GATAD1: variants seen among roughly 807,000 people sequenced by gnomAD.
The protein encoded by GATAD1 is GATA zinc finger domain containing 1.
A neutral mutation model predicts 26.5 loss-of-function variants in GATAD1; 12 were observed. That is an observed-to-expected ratio of 0.45 (90% confidence interval 0.29 to 0.73). GATAD1 has a LOEUF of 0.73. Ranked by LOEUF, GATAD1 falls within the 30% of genes least tolerant of loss-of-function variation. The probability of loss-of-function intolerance (pLI) is 0.10; values close to 1 mark genes in which losing one functional copy is unlikely to be tolerated. For synonymous variants in GATAD1, 129 were observed against 133.1 expected (o/e 0.97, Z 0.21); for missense variants, 266 against 342.1 (o/e 0.78, Z 1.75).
chr7:92,491,447 T>C, the GATAD1 span: 1 of 1,613,864 alleles, frequency 6.2e-7, no homozygotes, highest in East Asian at 2.2e-5. Context: ...ACTGCTATGG[T>C]TAAGAAAGAC....
the GATAD1 span, among the ~76,000 whole-genome samples, chr7:92,488,473 G>T: frequency 6.6e-6 from 1 of 152,122 alleles, no homozygotes; most frequent in Admixed American, 6.5e-5. Context: ...GACCTAGAAT[G>T]GTTCCCAGTC....
the GATAD1 span, among the ~76,000 whole-genome samples, chr7:92,467,964 A>G: frequency 3.3e-5 from 5 of 152,116 alleles, no homozygotes; most frequent in African/African-American, 1.2e-4. Flanking sequence ...TTGCACCCTC[A>G]TGGTTGTGTT....
intron 3 of GATAD1, among the ~76,000 whole-genome samples, chr7:92,453,024 G>A (rs185755562): frequency 6.6e-6 from 1 of 152,338 alleles, no homozygotes; most frequent in East Asian, 1.9e-4. Flanking sequence ...GAACTAGCAA[G>A]TAGCGGACTG....
At position 92,448,894 on chromosome 7, in the gene GATAD1, C is replaced by G; in HGVS notation, c.375+17C>G. On this transcript the variant is annotated intron_variant, in intron 2 of 4. Coordinates refer to ENST00000287957, the MANE Select transcript of GATAD1 (RefSeq NM_021167.5). ...TTGAAAAATGTAAGATATTTGTGGA[C>G]AGTGCCTTTTACTGTAATGACGTTG... The G allele has an allele frequency of 6.2e-7, 1 of 1,607,678 alleles. No individual in the cohort carries two copies. Among genetic ancestry groups the G allele is most frequent in the Non-Finnish European group, 8.5e-7 (1 of 1,174,146 alleles).
At chr7:92,494,283 A>T in the GATAD1 span, 5 of 1,598,262 alleles carry the variant, frequency 3.1e-6, no homozygotes, top group Non-Finnish European at 4.3e-6. Flanking sequence ...TCTAAATATG[A>T]AATTGTCACC....
chr7:92,490,032 C>A, the GATAD1 span: 2,051 of 798,646 alleles, frequency 2.6e-3, 5 homozygotes, highest in Middle Eastern at 5.3e-3. Flanking sequence ...GATAAGTATA[C>A]ATGTTAATTA....
chr7:92,451,372 T>C (rs751365120), intron 3 of GATAD1, among the ~76,000 whole-genome samples: 34 of 152,096 alleles, frequency 2.2e-4, no homozygotes, highest in Non-Finnish European at 3.5e-4. Flanking sequence ...CCAGAAGTCT[T>C]AGGAAAGGAA....
the GATAD1 span, chr7:92,487,553 A>G: frequency 7.4e-7 from 1 of 1,357,880 alleles, no homozygotes; most frequent in Non-Finnish European, 1.1e-6. Flanking sequence ...TGAAAAAAGA[A>G]AGAGATAATT....
chr7:92,463,102 G>A (rs1374829493), downstream of GATAD1: 1 of 152,140 alleles, frequency 6.6e-6, no homozygotes, highest in Admixed American at 6.5e-5. Flanking sequence ...GATGAACCTT[G>A]AAAACATGTT....
the GATAD1 span, among the ~76,000 whole-genome samples, chr7:92,486,647 G>A: frequency 1.3e-5 from 2 of 152,240 alleles, no homozygotes; most frequent in Admixed American, 1.3e-4. Context: ...GGGACTAGAG[G>A]CATACCATCA....
In GATAD1 at chr7:92,454,525, T is replaced by C; in HGVS notation, c.459T>C (p.Asp153=). 1 of 1,611,632 alleles carries C rather than the reference T, an allele frequency of 6.2e-7. No homozygotes were observed. The highest frequency in any genetic ancestry group is 1.1e-5 in the South Asian group (1 of 90,966). The change falls in exon 4 of 5, where the codon GAT becomes GAC. Residue 153 remains aspartate, a synonymous_variant. Transcript: ENST00000287957. The part of the protein sequence containing the change: ...FYKGVYYQIG[D]VVSVIDEQDG... ...AGGGAGTATATTACCAAATTGGTGA[T>C]GTTGTTTCTGTGATTGATGAACAAG...
chr7:92,448,659 A>G, intron 1 of GATAD1, 93 bp from the exon 2 acceptor site: 1 of 961,424 alleles, frequency 1.0e-6, no homozygotes. Flanking sequence ...TATAAAGTAC[A>G]TACTCTGGGA....
downstream of GATAD1, among the ~76,000 whole-genome samples, chr7:92,461,581 G>A (rs1326076316): frequency 6.6e-6 from 1 of 152,224 alleles, no homozygotes; most frequent in African/African-American, 2.4e-5. Flanking sequence ...CTATGAATAT[G>A]TAGTGCTTTG....
chr7:92,477,778 C>A, the GATAD1 span: 1 of 182,072 alleles, frequency 5.5e-6, no homozygotes, highest in South Asian at 1.5e-4. Context: ...GGATGGGAGT[C>A]AGCGGCAGGT....
chr7:92,461,250 G>GGT (rs764874156), downstream of GATAD1: 8 of 152,146 alleles, frequency 5.3e-5, no homozygotes, highest in Non-Finnish European at 8.8e-5. Context: ...GTTTGGCGAG[G>GGT]GTAAGAGACT....
chr7:92,491,220 C>G, the GATAD1 span: 1 of 1,260,422 alleles, frequency 7.9e-7, no homozygotes, highest in Admixed American at 1.7e-5. Flanking sequence ...AACTTTACAC[C>G]AACATATAGC....
chr7:92,477,753 C>A, the GATAD1 span: 1 of 179,248 alleles, frequency 5.6e-6, no homozygotes, highest in South Asian at 1.5e-4. Context: ...AGCGGACACC[C>A]TGCAGGATCC....
At chr7:92,472,428 TTA>T in the GATAD1 span, 1 of 152,254 alleles carries the variant, frequency 6.6e-6, no homozygotes, top group Admixed American at 6.5e-5. Context: ...ATCAATTTCC[TTA>T]GTCAGGTATG....
At chr7:92,475,665 C>T in the GATAD1 span, among the ~76,000 whole-genome samples, 135 of 144,718 alleles carry the variant, frequency 9.3e-4, 1 homozygote, top group South Asian at 0.015. Flanking sequence ...CCCCTTTTCC[C>T]GCCTTTCTTG....
Sources: allele counts gnomAD v4.1 joint callset (sites outside exome capture counted in the v4.1 genomes callset), GRCh38; gene constraint gnomAD v4.1.1; transcripts MANE v1.5; gene names NCBI Gene and HGNC (gene_info 2026-07-23, HGNC 2026-07-21).